The following DENND1A variants were observed in gnomAD, a reference collection of about 807,000 sequenced individuals.
The protein encoded by DENND1A is DENN domain-containing protein 1A.
A neutral mutation model predicts 113.7 loss-of-function variants in DENND1A; 51 were observed. The observed-to-expected ratio is 0.45, with a 90% CI of 0.36 to 0.57. The LOEUF is 0.57. Among genes scored for constraint, DENND1A ranks in the 20% least tolerant of loss-of-function variants. DENND1A has a pLI of 0.00. For missense variants in DENND1A, 1,258 were observed against 1,395.9 expected (o/e 0.90, Z 1.57); for synonymous variants, 565 against 570.8 (o/e 0.99, Z 0.14).
At chr9:123,517,427 C>T (rs1037132549) in intron 13 of DENND1A, among the ~76,000 whole-genome samples, 8 of 151,968 alleles carry the variant, frequency 5.3e-5, no homozygotes, top group African/African-American at 1.5e-4. Context: ...TGAGACCAGC[C>T]TGGCTAACAT....
At chr9:123,454,627 C>T (rs1314130338) in intron 16 of DENND1A, 112 bp downstream of exon 16, 3 of 1,102,836 alleles carry the variant, frequency 2.7e-6, no homozygotes, top group African/African-American at 1.6e-5. Context: ...AAAGGCATCT[C>T]CAGCAGAGAG....
intron 5 of DENND1A, among the ~76,000 whole-genome samples, chr9:123,685,398 T>C (rs1351236928): frequency 6.6e-6 from 1 of 152,220 alleles, no homozygotes; most frequent in East Asian, 1.9e-4. Flanking sequence ...TAATGTCCCA[T>C]TGTGATACCT....
chr9:123,521,646 G>A (rs1178568111), intron 13 of DENND1A, among the ~76,000 whole-genome samples: 1 of 152,196 alleles, frequency 6.6e-6, no homozygotes, highest in African/African-American at 2.4e-5. Context: ...ACTGAAATCT[G>A]GCTTCTCTGT....
chr9:123,698,252 G>A (rs142771800), intron 5 of DENND1A, among the ~76,000 whole-genome samples: 516 of 152,244 alleles, frequency 3.4e-3, no homozygotes, highest in African/African-American at 0.012. Context: ...ATCAGTGTGT[G>A]CTTGTTTTAT....
chr9:123,578,150 AT>A (rs2058716578), intron 12 of DENND1A, among the ~76,000 whole-genome samples: 1 of 152,196 alleles, frequency 6.6e-6, no homozygotes, highest in Non-Finnish European at 1.5e-5. Context: ...TCACTTGCAA[AT>A]GTAAACCATC....
intron 21 of DENND1A, among the ~76,000 whole-genome samples, chr9:123,395,503 A>T (rs1312509380): frequency 1.1e-4 from 11 of 96,314 alleles, no homozygotes; most frequent in South Asian, 3.6e-4. Flanking sequence ...TGACAGAGAG[A>T]GAGAGAGAGA....
At chr9:123,393,597 A>G (rs1371758298) in intron 21 of DENND1A, among the ~76,000 whole-genome samples, 1 of 152,046 alleles carries the variant, frequency 6.6e-6, no homozygotes, top group African/African-American at 2.4e-5. Context: ...GGGGGTACAC[A>G]GTGGCACACG....
At chr9:123,485,637 T>G (rs73665304) in intron 13 of DENND1A, 1 of 78,122 alleles carries the variant, frequency 1.3e-5, no homozygotes, top group African/African-American at 6.7e-5. Flanking sequence ...TGTGTGCGCG[T>G]ACACACACGC....
chr9:123,826,049 A>C (rs1839279658), intron 2 of DENND1A, among the ~76,000 whole-genome samples: 1 of 152,156 alleles, frequency 6.6e-6, no homozygotes, highest in African/African-American at 2.4e-5. Context: ...CTATAACCAA[A>C]AGGTACTGTA....
At chr9:123,517,378 G>A (rs1588946671) in intron 13 of DENND1A, among the ~76,000 whole-genome samples, 1 of 152,076 alleles carries the variant, frequency 6.6e-6, no homozygotes, top group Non-Finnish European at 1.5e-5. Flanking sequence ...CCCAGCACTC[G>A]GGAGGCCAAG....
At chr9:123,782,175 T>C (rs1213754153) in intron 3 of DENND1A, among the ~76,000 whole-genome samples, 1 of 152,218 alleles carries the variant, frequency 6.6e-6, no homozygotes, top group Non-Finnish European at 1.5e-5. Flanking sequence ...TAGCTGCCAT[T>C]AAATCTGAAA....
Position 123,849,318 on chromosome 9 carries a change from C to T in DENND1A, c.88+29633G>A, listed in dbSNP as rs1019482865. On this transcript the variant is annotated intron_variant, in intron 2 of 23. Transcript: ENST00000394215. ...CCTAAGGTTCTTAAGTATAATATTA[C>T]GCTAAATCTACTTTGCCTGTGCTCT... Among the ~76,000 whole-genome samples the T allele has an allele frequency of 8.5e-5, 13 of 152,138 alleles. 1 individual carries two copies. The highest frequency in any genetic ancestry group is 8.3e-4 in the South Asian group (4 of 4,816).
intron 9 of DENND1A, 145 bp downstream of exon 9, chr9:123,651,868 A>T: frequency 1.6e-6 from 1 of 614,888 alleles, no homozygotes; most frequent in Non-Finnish European, 2.7e-6. Flanking sequence ...AAAAAAAAAA[A>T]AATGAACAAT....
In DENND1A at chr9:123,457,913, G is replaced by A. The variant is rs764694564; in HGVS notation, c.994-16C>T. ...TCGGCTCCTCCTGGGAAGTGCAGAG[G>A]GGAGAGGTGGGTCAGTGGCACGGAG... On this transcript the variant is annotated splice_polypyrimidine_tract_variant and intron_variant, in intron 13 of 23. Coordinates refer to ENST00000394215, the MANE Select transcript of DENND1A (RefSeq NM_001352964.2). 21 of 1,594,504 alleles carry A rather than the reference G, an allele frequency of 1.3e-5. No homozygotes were observed. In the South Asian group the frequency reaches 2.0e-4, roughly 15 times the overall value.
At chr9:123,905,082 C>T (rs1402084109) in intron 1 of DENND1A, among the ~76,000 whole-genome samples, 1 of 151,674 alleles carries the variant, frequency 6.6e-6, no homozygotes, top group Non-Finnish European at 1.5e-5. Flanking sequence ...AATTTTCAAC[C>T]CAGAATTTCA....
chr9:123,790,755 TTCTC>T (rs960153389), intron 3 of DENND1A, among the ~76,000 whole-genome samples: 2 of 152,148 alleles, frequency 1.3e-5, no homozygotes, highest in African/African-American at 4.8e-5. Flanking sequence ...TAGCCTATAT[TTCTC>T]TCAGTACACA....
chr9:123,825,356 C>T (rs189970389), intron 2 of DENND1A, among the ~76,000 whole-genome samples: 15 of 151,188 alleles, frequency 9.9e-5, no homozygotes, highest in Admixed American at 3.9e-4. Flanking sequence ...AAGAAAAGCG[C>T]AACTACTGCC....
chr9:123,468,588 C>T (rs2049141865), intron 13 of DENND1A, among the ~76,000 whole-genome samples: 1 of 152,222 alleles, frequency 6.6e-6, no homozygotes, highest in African/African-American at 2.4e-5. Context: ...CAGCATCCCT[C>T]CCAGAGCTGG....
intron 9 of DENND1A, among the ~76,000 whole-genome samples, chr9:123,644,278 G>A (rs1023029818): frequency 1.3e-5 from 2 of 151,536 alleles, no homozygotes; most frequent in Non-Finnish European, 2.9e-5. Context: ...GGAGAACGGC[G>A]GGGCTCCCAT....
Sources: allele counts gnomAD v4.1 joint callset (sites outside exome capture counted in the v4.1 genomes callset), GRCh38; gene constraint gnomAD v4.1.1; transcripts MANE v1.5; gene names NCBI Gene and HGNC (gene_info 2026-07-23, HGNC 2026-07-21).